Variants in DLG1 observed in about 807,000 individuals in gnomAD.
The protein encoded by DLG1 is discs large MAGUK scaffold protein 1, also known as disks large homolog 1.
A neutral mutation model predicts 123.4 loss-of-function variants in DLG1; 42 were observed. The observed-to-expected ratio is 0.34, with a 90% CI of 0.27 to 0.44. DLG1 has a LOEUF of 0.44. DLG1 is among the 20% of genes least tolerant of loss of function. DLG1 has a pLI of 1.00. For synonymous variants in DLG1, 317 were observed against 356.2 expected (o/e 0.89, Z 1.24); for missense variants, 942 against 1,082.6 (o/e 0.87, Z 1.82).
At chr3:197,089,433 G>A (rs959767661) in intron 15 of DLG1, among the ~76,000 whole-genome samples, 28 of 151,610 alleles carry the variant, frequency 1.8e-4, no homozygotes, top group African/African-American at 5.6e-4. Flanking sequence ...GGGCTGAGGC[G>A]GAAGGATCCC....
At chr3:197,076,768 C>G in intron 17 of DLG1, 83 bp from the exon 18 acceptor site, 1 of 922,698 alleles carries the variant, frequency 1.1e-6, no homozygotes, top group East Asian at 2.5e-5. Context: ...TCTGTGGAAG[C>G]TGACTCCTAT....
intron 5 of DLG1, among the ~76,000 whole-genome samples, chr3:197,175,194 T>C (rs1402783545): frequency 6.6e-6 from 1 of 152,170 alleles, no homozygotes; most frequent in Non-Finnish European, 1.5e-5. Context: ...GGTTTAAAGT[T>C]TTCTTTAAAA....
At chr3:197,214,375 C>A (rs1171158191) in intron 4 of DLG1, among the ~76,000 whole-genome samples, 1 of 152,024 alleles carries the variant, frequency 6.6e-6, no homozygotes, top group Non-Finnish European at 1.5e-5. Flanking sequence ...GAGATTGAGA[C>A]CAGCCTCGCT....
At chr3:197,231,253 G>A (rs576803093) in intron 4 of DLG1, among the ~76,000 whole-genome samples, 188 of 152,222 alleles carry the variant, frequency 1.2e-3, no homozygotes, top group African/African-American at 4.1e-3. Context: ...TTTTTGAAAC[G>A]GCAGGAATTA....
intron 22 of DLG1, among the ~76,000 whole-genome samples, chr3:197,063,955 G>A (rs1424509426): frequency 1.4e-5 from 2 of 145,216 alleles, no homozygotes; most frequent in African/African-American, 5.1e-5. Context: ...TTGAGATGGA[G>A]TCTTGCTCTG....
chr3:197,237,328 C>T (rs1746502091), intron 4 of DLG1, among the ~76,000 whole-genome samples: 2 of 152,148 alleles, frequency 1.3e-5, no homozygotes, highest in African/African-American at 2.4e-5. Context: ...CTCAGACTAT[C>T]CCAGGATTTC....
At chr3:197,101,681 G>A (rs967872683) in intron 14 of DLG1, among the ~76,000 whole-genome samples, 8 of 152,144 alleles carry the variant, frequency 5.3e-5, no homozygotes, top group Non-Finnish European at 1.2e-4. Flanking sequence ...GAGCCACCGC[G>A]CCTGGCCAAG....
chr3:197,052,861 G>A (rs1261797235), intron 23 of DLG1, among the ~76,000 whole-genome samples: 1 of 152,166 alleles, frequency 6.6e-6, no homozygotes, highest in African/African-American at 2.4e-5. Flanking sequence ...TTAACCAACT[G>A]CCATGAATAG....
chr3:197,064,799 ATCTT>A (rs960386704), intron 22 of DLG1, among the ~76,000 whole-genome samples: 18 of 151,706 alleles, frequency 1.2e-4, no homozygotes, highest in Non-Finnish European at 2.2e-4. Context: ...AGATTTATTG[ATCTT>A]TCTTTTTTTT....
At chr3:197,269,737 A>G (rs960747710) in intron 4 of DLG1, among the ~76,000 whole-genome samples, 3 of 152,214 alleles carry the variant, frequency 2.0e-5, no homozygotes, top group African/African-American at 7.2e-5. Context: ...TTAGGAGGCT[A>G]TAGCAAGAAT....
chr3:197,282,496 C>T (rs1010770725), intron 4 of DLG1, 183 bp downstream of exon 4: 6 of 393,176 alleles, frequency 1.5e-5, no homozygotes, highest in Non-Finnish European at 2.2e-5. Flanking sequence ...ACAGGGGCAA[C>T]AGAGAATCTG....
At chr3:197,263,031 C>T (rs1034017304) in intron 4 of DLG1, among the ~76,000 whole-genome samples, 1 of 145,552 alleles carries the variant, frequency 6.9e-6, no homozygotes, top group East Asian at 2.5e-4. Context: ...TCATATAAGG[C>T]TCAAGGCTCA....
chr3:197,115,413 T>C (rs1185444885), intron 13 of DLG1, among the ~76,000 whole-genome samples: 6 of 151,688 alleles, frequency 4.0e-5, no homozygotes, highest in African/African-American at 1.5e-4. Flanking sequence ...ACAATATAGA[T>C]TCTAGGGTAA....
intron 15 of DLG1, among the ~76,000 whole-genome samples, chr3:197,089,730 A>T (rs184676688): frequency 6.6e-6 from 1 of 152,026 alleles, no homozygotes; most frequent in East Asian, 1.9e-4. Flanking sequence ...AAAAAAAAAG[A>T]AAGTGTAAAA....
At chr3:197,120,852 T>C (rs1318166052) in intron 11 of DLG1, among the ~76,000 whole-genome samples, 2 of 152,208 alleles carry the variant, frequency 1.3e-5, no homozygotes, top group Non-Finnish European at 2.9e-5. Context: ...CGTTTGTATT[T>C]GAGCCAAAGG....
At position 197,149,921 on chromosome 3, in the gene DLG1, A is replaced by C. The variant is rs114855353; in HGVS notation, c.484-125T>G. 7.4e-4 allele frequency: 465 copies of C among 630,874 alleles called. No homozygotes were observed. The African/African-American group carries it at 7.7e-3, about 10-fold the overall frequency. 39.1% of individuals were successfully genotyped at this position (630,874 alleles called of 1,614,324 possible). A position where few individuals can be genotyped will look rare whatever the true frequency, so the allele number is the denominator to read the frequency against. On this transcript the variant is annotated intron_variant, in intron 5 of 24. Coordinates refer to ENST00000667157, the MANE Select transcript of DLG1 (RefSeq NM_001366207.1). ...TTATAATCTTATATGAGCTTTTTAT[A>C]TGTTAAATAATATATCCTTTCTCCA...
At chr3:197,087,212 A>ATTC (rs1248246230) in intron 15 of DLG1, among the ~76,000 whole-genome samples, 1 of 152,038 alleles carries the variant, frequency 6.6e-6, no homozygotes, top group Non-Finnish European at 1.5e-5. Context: ...TCTTTGACTC[A>ATTC]TTCTTTTTTG....
intron 4 of DLG1, among the ~76,000 whole-genome samples, chr3:197,268,780 G>GTTTTTT (rs1241539831): frequency 2.0e-5 from 3 of 151,682 alleles, no homozygotes; most frequent in African/African-American, 7.3e-5. Context: ...CAAATACACT[G>GTTTTTT]TATAGAGGTA....
intron 4 of DLG1, among the ~76,000 whole-genome samples, chr3:197,267,078 C>T (rs1761981624): frequency 6.6e-6 from 1 of 152,078 alleles, no homozygotes; most frequent in African/African-American, 2.4e-5. Context: ...GGCAGGAGAA[C>T]GTGATTACAG....
Sources: allele counts gnomAD v4.1 joint callset (sites outside exome capture counted in the v4.1 genomes callset), GRCh38; gene constraint gnomAD v4.1.1; transcripts MANE v1.5; gene names NCBI Gene and HGNC (gene_info 2026-07-23, HGNC 2026-07-21).